The following IFFO1 variants were observed in gnomAD, a reference collection of about 807,000 sequenced individuals.
IFFO1 encodes the protein non-homologous end joining factor IFFO1.
A neutral mutation model predicts 59.6 loss-of-function variants in IFFO1; 42 were observed. The ratio of observed to expected loss-of-function variants is 0.70; its 90% CI spans 0.55 to 0.91. The LOEUF (loss-of-function observed/expected upper bound fraction) is 0.91. IFFO1 is among the 40% of genes least tolerant of loss of function. IFFO1 has a pLI of 0.00. For missense variants in IFFO1, 711 were observed against 793.2 expected (o/e 0.90, Z 1.24); for synonymous variants, 336 against 342.8 (o/e 0.98, Z 0.22).
intron 8 of IFFO1, among the ~76,000 whole-genome samples, chr12:6,544,164 A>ATTT (rs1946845423): frequency 8.2e-6 from 1 of 121,244 alleles, no homozygotes; most frequent in Non-Finnish European, 1.7e-5. Flanking sequence ...ATTTGAAAAT[A>ATTT]CTTTTTTTTT....
rs1464950072 is a variant in IFFO1, at chr12:6,548,770, G to C, written c.1160C>G (p.Thr387Ser). 14 of 1,614,020 alleles carry C rather than the reference G, an allele frequency of 8.7e-6. No individual in the cohort carries two copies. The East Asian group carries it at 3.1e-4, about 36-fold the overall frequency. ...RERKAAVEED[T>S]SLSESEGPRQ... ...GGGCCCCTCACTCTCCGACAGGGAG[G>C]TGTCCTCCTCGACGGCAGCCTTGCG... The change falls in exon 6 of 10, where the codon ACC becomes AGC. Residue 387 changes from threonine to serine, a missense_variant. By Grantham distance (58) the Thr-to-Ser change is moderately conservative. This residue lies in a region of IFFO1 where 579 missense variants were observed against 650.3 expected (regional missense o/e 0.89). Transcript: ENST00000619571. The surrounding 1 kb of genome is among the most constrained non-coding windows in gnomAD (Gnocchi z 6.1).
Position 6,555,617 on chromosome 12 carries a change from C to T in IFFO1, c.413G>A (p.Gly138Glu). 2 of 1,471,930 alleles carry T rather than the reference C, an allele frequency of 1.4e-6. No individual in the cohort carries two copies. Among genetic ancestry groups the T allele is most frequent in the Non-Finnish European group, 1.8e-6 (2 of 1,117,540 alleles). 91.2% of individuals were successfully genotyped at this position (1,471,930 alleles called of 1,614,324 possible). A position where few individuals can be genotyped will look rare whatever the true frequency, so the allele number is the denominator to read the frequency against. The change falls in exon 1 of 10, where the codon GGG becomes GAG. Residue 138 changes from glycine (G) to glutamate (E), a missense_variant. Transcript: ENST00000619571. This position sits in a 1 kb window ranked among gnomAD's most constrained non-coding sequence, Gnocchi z 8.6. ...TGFVSPIRPL[G>E]LQLGARPAAV... ...GGCCGGCCGGGCGCCCAGCTGCAGC[C>T]CCAGGGGCCGGATGGGGCTGACGAA...
At position 6,555,072 on chromosome 12, in the gene IFFO1, C is replaced by CAGGG. The variant is rs1947374337; in HGVS notation, c.773+181_773+184dup. Reference sequence around the variant, plus strand: ...CCAGCGTCCTTCTTCCTGTCACGAGCAGGGCTTCTGCATTCTCTGCGGATT... The same window carrying CAGGG: ...CCAGCGTCCTTCTTCCTGTCACGAGCAGGGAGGGCTTCTGCATTCTCTGCGGATT... On this transcript the variant is annotated intron_variant, in intron 1 of 9. Transcript: ENST00000619571. This position sits in a 1 kb window ranked among gnomAD's most constrained non-coding sequence, Gnocchi z 8.6. Among the ~76,000 whole-genome samples, 1 of 152,244 alleles carries CAGGG rather than the reference C, an allele frequency of 6.6e-6. No homozygotes were observed. The highest frequency in any genetic ancestry group is 1.5e-5 in the Non-Finnish European group (1 of 68,040).
chr12:6,551,664 G>A (rs1471985728), intron 1 of IFFO1: 1 of 412,958 alleles, frequency 2.4e-6, no homozygotes, highest in African/African-American at 2.0e-5. Flanking sequence ...TCCCACAGCA[G>A]CATGACAGCA....
chr12:6,551,278 T>C, intron 1 of IFFO1: 1 of 628,778 alleles, frequency 1.6e-6, no homozygotes, highest in South Asian at 1.8e-5. Flanking sequence ...GTGCTGAGGC[T>C]CCGGTCCTCC....
intron 8 of IFFO1, chr12:6,543,507 T>G (rs1012372478): frequency 6.5e-6 from 1 of 153,736 alleles, no homozygotes; most frequent in African/African-American, 2.4e-5. Context: ...ATCTAGGCTG[T>G]GTGCTCCTTA....
In IFFO1 at chr12:6,549,800, C is replaced by A; in HGVS notation, c.1027G>T (p.Val343Leu). Reference sequence around the variant, plus strand: ...TCCTCGCAGTTGCGCTGCTGAGCCACATCGCAGAGCTTGGCGGTGATGTCG... The same window carrying A: ...TCCTCGCAGTTGCGCTGCTGAGCCAAATCGCAGAGCTTGGCGGTGATGTCG... ...RIDITAKLCD[V>L]AQQRNCEDMI... The change falls in exon 4 of 10, where the codon GTG becomes TTG. Residue 343 changes from valine (V) to leucine (L), a missense_variant. Physicochemically the swap from Val to Leu is conservative, Grantham distance 32. Transcript: ENST00000619571. The surrounding 1 kb of genome is among the most constrained non-coding windows in gnomAD (Gnocchi z 5.0). The A allele has an allele frequency of 6.2e-7, 1 of 1,614,210 alleles. No homozygotes were observed. The highest frequency in any genetic ancestry group is 8.5e-7 in the Non-Finnish European group (1 of 1,180,002).
In IFFO1 at chr12:6,555,154, C is replaced by A; in HGVS notation, c.773+103G>T. ...TCCTCATTACACAGCACAAACTTTACTCTCATTCTTTTCACCCCTGATTCT... is the reference window on the plus strand; with the variant it reads ...TCCTCATTACACAGCACAAACTTTAATCTCATTCTTTTCACCCCTGATTCT... On this transcript the variant is annotated intron_variant, in intron 1 of 9. Coordinates refer to ENST00000619571, the MANE Select transcript of IFFO1 (RefSeq NM_001193457.2). The surrounding 1 kb of genome is among the most constrained non-coding windows in gnomAD (Gnocchi z 8.6). The A allele has an allele frequency of 1.7e-6, 2 of 1,174,416 alleles. No homozygotes were observed. The highest frequency in any genetic ancestry group is 2.6e-6 in the Non-Finnish European group (2 of 783,750). 72.7% of individuals were successfully genotyped at this position (1,174,416 alleles called of 1,614,324 possible).
chr12:6,549,190 T>TAA lies in IFFO1; in HGVS notation c.1080+284_1080+285dup, dbSNP rs11439256. The TAA allele has an allele frequency of 3.4e-3, 1,463 of 436,500 alleles. 11 individuals carry two copies. Among genetic ancestry groups the TAA allele is most frequent in the African/African-American group, 0.021 (935 of 45,408 alleles). The allele number at this position is 436,500 out of a possible 1,614,324, so 27.0% of individuals were successfully genotyped here. ...AGTCTTTTTGATTAAATGACTCAACTAAAAAAAAAAAAGCTTTAGGACGCA... is the reference window on the plus strand; with the variant it reads ...AGTCTTTTTGATTAAATGACTCAACTAAAAAAAAAAAAAAGCTTTAGGACGCA... On this transcript the variant is annotated intron_variant, in intron 5 of 9. Transcript: ENST00000619571. The surrounding 1 kb of genome is among the most constrained non-coding windows in gnomAD (Gnocchi z 5.0).
Position 6,555,692 on chromosome 12 carries a change from T to C in IFFO1, c.338A>G (p.Lys113Arg), listed in dbSNP as rs938597403. ...ACGACCCAGGCCCCGCCGGCCCTGC[T>C]TACCCTCCTCCAGCGCTTGCTGCAG... is the stretch of plus-strand genomic sequence containing the variant. ...KQLQQALEEG[K>R]QGRRGLGRRD... Residue 113 changes from lysine to arginine, a missense_variant, in exon 1 of 10, where the codon AAG becomes AGG. This residue lies in a region of IFFO1 where 579 missense variants were observed against 650.3 expected (regional missense o/e 0.89). Coordinates refer to ENST00000619571, the MANE Select transcript of IFFO1 (RefSeq NM_001193457.2). This position sits in a 1 kb window ranked among gnomAD's most constrained non-coding sequence, Gnocchi z 8.6. 1.2e-6 allele frequency: 2 copies of C among 1,611,306 alleles called. No homozygotes were observed. Among genetic ancestry groups the C allele is most frequent in the African/African-American group, 2.7e-5 (2 of 74,608 alleles).
chr12:6,549,420 GGCA>G lies in IFFO1; in HGVS notation c.1080+53_1080+55del. 1 of 1,609,612 alleles carries G rather than the reference GGCA, an allele frequency of 6.2e-7. No individual in the cohort carries two copies. The highest frequency in any genetic ancestry group is 1.7e-5 in the Admixed American group (1 of 59,934). On this transcript the variant is annotated intron_variant, in intron 5 of 9. Coordinates refer to ENST00000619571, the MANE Select transcript of IFFO1 (RefSeq NM_001193457.2). The surrounding 1 kb of genome is among the most constrained non-coding windows in gnomAD (Gnocchi z 5.0). ...CCCAAACTGAGGGCCAGGAGGCCTA[GGCA>G]GCTTAGAAACTGGGACTGGGACATT...
intron 1 of IFFO1, among the ~76,000 whole-genome samples, chr12:6,552,279 C>T (rs1287205003): frequency 1.3e-5 from 2 of 152,128 alleles, no homozygotes; most frequent in Admixed American, 1.3e-4. Context: ...AATAATAACT[C>T]CTCCACATCA....
rs767244431 is a variant in IFFO1 at position 6,549,718 on chromosome 12, C to T, written c.1071+38G>A. On this transcript the variant is annotated intron_variant, in intron 4 of 9. Transcript: ENST00000619571. The surrounding 1 kb of genome is among the most constrained non-coding windows in gnomAD (Gnocchi z 5.0). ...CCGCCACGGAAGCATCCACCTGCCC[C>T]ACCCACCCCTGAGAGCAGAGGGCAG... 1.9e-6 allele frequency: 3 copies of T among 1,590,552 alleles called. No homozygotes were observed. Among genetic ancestry groups the T allele is most frequent in the South Asian group, 2.2e-5 (2 of 89,052 alleles).
Position 6,548,490 on chromosome 12 carries a change from C to T in IFFO1, c.1318G>A (p.Glu440Lys). 6.2e-7 allele frequency: 1 copy of T among 1,614,012 alleles called. No homozygotes were observed. The highest frequency in any genetic ancestry group is 8.5e-7 in the Non-Finnish European group (1 of 1,179,918). ...AAATCCTCCCAAAGCAGCAGGGTCT[C>T]CTCAGTCTCCTCCCAAGTCAGGCTG... ...CDSLTWEETE[E>K]TLLLWEDFSG... The change falls in exon 7 of 10, where the codon GAG (glutamate) becomes AAG (lysine). Residue 440 changes from glutamate (E) to lysine (K), a missense_variant. Around this residue, in one of 3 missense-constraint regions of IFFO1, gnomAD observed 579 missense variants for 650.3 expected, o/e 0.89. Transcript: ENST00000619571. The surrounding 1 kb of genome is among the most constrained non-coding windows in gnomAD (Gnocchi z 6.1).
intron 9 of IFFO1, 132 bp from the exon 10 acceptor site, chr12:6,540,720 G>T: frequency 2.6e-6 from 2 of 766,490 alleles, no homozygotes; most frequent in Non-Finnish European, 4.4e-6. Flanking sequence ...GCCGCGGGAT[G>T]GCGAGGGAGC....
At chr12:6,552,743 G>A (rs1175711861) in intron 1 of IFFO1, among the ~76,000 whole-genome samples, 1 of 152,142 alleles carries the variant, frequency 6.6e-6, no homozygotes, top group Admixed American at 6.5e-5. Context: ...TTAAGCCTAA[G>A]GAAATCTTAC....
rs372318575 is a variant in IFFO1 at position 6,549,460 on chromosome 12, G to A, written c.1080+16C>T. On this transcript the variant is annotated intron_variant, in intron 5 of 9. Coordinates refer to ENST00000619571, the MANE Select transcript of IFFO1 (RefSeq NM_001193457.2). The surrounding 1 kb of genome is among the most constrained non-coding windows in gnomAD (Gnocchi z 5.0). The stretch of plus-strand genomic sequence containing the variant: ...GGGACTGGGACATTAATAAGCTTGC[G>A]TGAGATCAAACTAACCAGCTTCTTC... 1.5e-5 allele frequency: 24 copies of A among 1,613,752 alleles called. No individual in the cohort carries two copies. In the South Asian group the frequency reaches 1.6e-4, roughly 11 times the overall value.
In IFFO1 at chr12:6,555,721, C is replaced by T; in HGVS notation, c.309G>A (p.Lys103=). Reference sequence around the variant, plus strand: ...CCTCCTCCAGCGCTTGCTGCAGTTGCTTCTCCAACAGCCGGTTCCGGCGCT... The same window carrying T: ...CCTCCTCCAGCGCTTGCTGCAGTTGTTTCTCCAACAGCCGGTTCCGGCGCT... ...ELERRNRLLE[K]QLQQALEEGK... Residue 103 remains lysine (K), a synonymous_variant, in exon 1 of 10, where the codon AAG becomes AAA. Coordinates refer to ENST00000619571, the MANE Select transcript of IFFO1 (RefSeq NM_001193457.2). The surrounding 1 kb of genome is among the most constrained non-coding windows in gnomAD (Gnocchi z 8.6). The T allele has an allele frequency of 6.2e-7, 1 of 1,612,688 alleles. No individual in the cohort carries two copies. Among genetic ancestry groups the T allele is most frequent in the Non-Finnish European group, 8.5e-7 (1 of 1,179,380 alleles).
intron 1 of IFFO1, among the ~76,000 whole-genome samples, chr12:6,553,958 A>C (rs1592225609): frequency 6.6e-6 from 1 of 152,294 alleles, no homozygotes; most frequent in East Asian, 1.9e-4. Flanking sequence ...TCTGAAGGCA[A>C]AATGCTTGTA....
Sources: allele counts gnomAD v4.1 joint callset (sites outside exome capture counted in the v4.1 genomes callset), GRCh38; gene constraint gnomAD v4.1.1; regional missense constraint gnomAD v4.1.1; non-coding constraint Gnocchi (gnomAD v3.1); transcripts MANE v1.5; gene names NCBI Gene and HGNC (gene_info 2026-07-23, HGNC 2026-07-21).